Variants in PSPH observed in about 807,000 individuals in gnomAD.
PSPH encodes L-3-phosphoserine phosphatase.
Under a neutral mutation model 23.4 loss-of-function variants are expected in PSPH, and 16 were observed. That is an observed-to-expected ratio of 0.68 (90% CI 0.46 to 1.04). The LOEUF is 1.04. Ranked by LOEUF, PSPH falls within the 50% of genes least tolerant of loss-of-function variation. The pLI, the probability that PSPH is intolerant of heterozygous loss-of-function variation, is 0.00. For synonymous variants in PSPH, 68 were observed against 99.7 expected, an observed-to-expected ratio of 0.68 and a Z score of 1.89; for missense variants, 223 against 273.7, an observed-to-expected ratio of 0.81 and a Z score of 1.31.
intron 1 of PSPH, among the ~76,000 whole-genome samples, chr7:56,049,753 A>T (rs71528876): frequency 0.043 from 6,277 of 146,442 alleles, 198 homozygotes; most frequent in African/African-American, 0.088. Flanking sequence ...TATTATTATT[A>T]TTTTTTTTGA....
intron 1 of PSPH, among the ~76,000 whole-genome samples, chr7:56,041,205 CTCTCTTT>C (rs1792487707): frequency 1.3e-5 from 2 of 149,238 alleles, no homozygotes; most frequent in Admixed American, 6.7e-5. Context: ...CTCTCTCTCT[CTCTCTTT>C]TTTTTTTTTT....
chr7:56,015,148 T>C lies in PSPH; in HGVS notation c.445A>G (p.Thr149Ala). Residue 149 changes from threonine to alanine, a missense_variant, in exon 7 of 8, where the codon ACG becomes GCG. Thr to Ala is a moderately conservative substitution (Grantham distance 58). Coordinates refer to ENST00000275605, the MANE Select transcript of PSPH (RefSeq NM_004577.4). ...CCACCAGATTCAGCTGTTGGCTGCG[T>C]CTCATCAAAACCTGCATATTCACCT... ...FNGEYAGFDETQPTAESGGKG... is the reference protein window; with the variant it reads ...FNGEYAGFDEAQPTAESGGKG... The C allele has an allele frequency of 6.2e-7, 1 of 1,614,076 alleles. No homozygotes were observed. Among genetic ancestry groups the C allele is most frequent in the Non-Finnish European group, 8.5e-7 (1 of 1,180,000 alleles).
In PSPH at chr7:56,017,289, C is replaced by G. The variant is rs1788685345; in HGVS notation, c.366G>C (p.Lys122Asn). ...ATACATTGGTTGCTGGGATATTGAG[C>G]TTTGAAGCAACATGCTCTACAATAC... The part of the protein sequence containing the change: ...FRSIVEHVAS[K>N]LNIPATNVFA... The change falls in exon 6 of 8, where the codon AAG (lysine) becomes AAC (asparagine). Residue 122 changes from lysine (K) to asparagine (N), a missense_variant. By Grantham distance (94) the Lys-to-Asn change is moderately conservative. Transcript: ENST00000275605. 9.3e-6 allele frequency: 15 copies of G among 1,613,782 alleles called. No homozygotes were observed. Among genetic ancestry groups the G allele is most frequent in the Admixed American group, 5.0e-5 (3 of 59,974 alleles).
intron 1 of PSPH, among the ~76,000 whole-genome samples, chr7:56,035,632 T>C (rs1055501625): frequency 8.6e-5 from 13 of 151,712 alleles, no homozygotes; most frequent in Admixed American, 1.3e-4. Context: ...AATTTTTTTT[T>C]CCCCCGAGAC....
intron 6 of PSPH, among the ~76,000 whole-genome samples, chr7:56,015,950 C>T (rs549284826): frequency 1.3e-5 from 2 of 151,970 alleles, no homozygotes; most frequent in South Asian, 4.1e-4. Context: ...TGAGCCACCA[C>T]ACCCAGCCTT....
intron 3 of PSPH, among the ~76,000 whole-genome samples, chr7:56,024,020 G>A (rs1789827275): frequency 6.6e-6 from 1 of 151,764 alleles, no homozygotes; most frequent in Admixed American, 6.6e-5. Flanking sequence ...TCCACCTCCC[G>A]GGTTCACGCC....
intron 1 of PSPH, among the ~76,000 whole-genome samples, chr7:56,043,966 T>A: frequency 6.6e-6 from 1 of 151,540 alleles, no homozygotes; most frequent in Non-Finnish European, 1.5e-5. Context: ...ATGAGAATAT[T>A]TTTTTTTTGA....
At chr7:56,016,798 A>G (rs1469995187) in intron 6 of PSPH, among the ~76,000 whole-genome samples, 1 of 151,664 alleles carries the variant, frequency 6.6e-6, no homozygotes, top group Non-Finnish European at 1.5e-5. Flanking sequence ...GCTGGTCTTG[A>G]ACTCCTGACC....
intron 3 of PSPH, among the ~76,000 whole-genome samples, chr7:56,029,640 C>T (rs373916071): frequency 3.2e-4 from 48 of 152,220 alleles, no homozygotes; most frequent in African/African-American, 1.2e-3. Context: ...GAAATGCTTT[C>T]CCAACTTCTC....
At chr7:56,030,010 T>G (rs933882392) in intron 3 of PSPH, among the ~76,000 whole-genome samples, 2 of 144,308 alleles carry the variant, frequency 1.4e-5, no homozygotes, top group African/African-American at 5.1e-5. Context: ...AAAAAAAGAA[T>G]ACACAGTAGA....
chr7:56,011,425 A>G lies in PSPH; in HGVS notation c.*337T>C. 1 of 168,126 alleles carries G rather than the reference A, an allele frequency of 5.9e-6. No individual in the cohort carries two copies. The highest frequency in any genetic ancestry group is 1.3e-5 in the Non-Finnish European group (1 of 78,176). 10.4% of individuals were successfully genotyped at this position (168,126 alleles called of 1,614,324 possible). A position where few individuals can be genotyped will look rare whatever the true frequency, so the allele number is the denominator to read the frequency against. ...GTGCCTGTAGTCCCAGCTACTCGGGAGGCTGAGGCAGGAGAATGGCGTGAA... is the reference window on the plus strand; with the variant it reads ...GTGCCTGTAGTCCCAGCTACTCGGGGGGCTGAGGCAGGAGAATGGCGTGAA... On this transcript the variant is annotated 3_prime_UTR_variant, in exon 8 of 8. Coordinates refer to ENST00000275605, the MANE Select transcript of PSPH (RefSeq NM_004577.4).
intron 1 of PSPH, among the ~76,000 whole-genome samples, chr7:56,044,404 T>C (rs1792959260): frequency 6.6e-6 from 1 of 152,020 alleles, no homozygotes. Flanking sequence ...AAAAACAGAA[T>C]GTAAACGTTA....
At chr7:56,030,003 A>G (rs1584450894) in intron 3 of PSPH, among the ~76,000 whole-genome samples, 1 of 151,964 alleles carries the variant, frequency 6.6e-6, no homozygotes, top group Middle Eastern at 3.4e-3. Context: ...AAAAAAAAAA[A>G]AAAGAATACA....
intron 1 of PSPH, 128 bp from the exon 2 acceptor site, chr7:56,034,234 G>A (rs901029488): frequency 2.0e-5 from 3 of 152,258 alleles, no homozygotes; most frequent in African/African-American, 7.2e-5. Flanking sequence ...GGGGCTCCCT[G>A]AACCAGCCCC....
chr7:56,047,453 A>T (rs1243603032), intron 1 of PSPH, among the ~76,000 whole-genome samples: 1 of 152,094 alleles, frequency 6.6e-6, no homozygotes, highest in African/African-American at 2.4e-5. Context: ...AAAACAGAAC[A>T]GTCACATATT....
Position 56,021,022 on chromosome 7 carries a change from C to T in PSPH, c.140+51G>A, listed in dbSNP as rs1485037468. On this transcript the variant is annotated intron_variant, in intron 4 of 7. Transcript: ENST00000275605. ...TCTAGCACTTCATCCAAAACAGTCA[C>T]TCTTTAGAAAGTCTTTATCATTTCA... is the stretch of plus-strand genomic sequence containing the variant. 2.8e-6 allele frequency: 4 copies of T among 1,413,408 alleles called. No homozygotes were observed. In the Admixed American group the frequency reaches 8.0e-5, roughly 28 times the overall value. 87.6% of individuals were successfully genotyped at this position (1,413,408 alleles called of 1,614,324 possible).
At chr7:56,019,889 C>A in intron 4 of PSPH, 155 bp from the exon 5 acceptor site, 1 of 934,226 alleles carries the variant, frequency 1.1e-6, no homozygotes. Flanking sequence ...GAGAGCAAGG[C>A]CTTGGAATAA....
At chr7:56,013,160 C>CACACAT (rs1788161352) in intron 7 of PSPH, among the ~76,000 whole-genome samples, 1 of 74,814 alleles carries the variant, frequency 1.3e-5, no homozygotes, top group African/African-American at 4.8e-5. Context: ...TGTGTATACA[C>CACACAT]ACACACACAC....
Position 56,011,842 on chromosome 7 carries a change from C to T in PSPH, c.598G>A (p.Val200Met). 2 of 1,612,226 alleles carry T rather than the reference C, an allele frequency of 1.2e-6. No homozygotes were observed. The highest frequency in any genetic ancestry group is 1.7e-4 in the Middle Eastern group (1 of 6,052). The change falls in exon 8 of 8, where the codon GTG (valine) becomes ATG (methionine). Residue 200 changes from valine to methionine, a missense_variant. Val to Met is a conservative substitution (Grantham distance 21). Transcript: ENST00000275605. ...TTATCCTTGACTTGTTGCCTGATCA[C>T]ATTTCCTCCAAATCCAATGAAAGCA... ...ADAFIGFGGN[V>M]IRQQVKDNAK...
Sources: gnomAD v4.1 joint callset for allele counts (sites outside exome capture counted in the v4.1 genomes callset) on GRCh38, gnomAD v4.1.1 for gene constraint, MANE v1.5 for transcripts, NCBI Gene and HGNC (gene_info 2026-07-23, HGNC 2026-07-21) for gene names.